The following SCAPER variants were observed in gnomAD, a reference collection of about 807,000 sequenced individuals.
SCAPER encodes the protein S-phase cyclin A associated protein in the ER.
SCAPER carries 98 observed loss-of-function variants against 182.2 expected under a neutral mutation model. The observed-to-expected ratio is 0.54, with a 90% CI of 0.46 to 0.64. The LOEUF is 0.64. SCAPER is among the 30% of genes least tolerant of loss of function. The probability of loss-of-function intolerance (pLI) is 0.00; values close to 1 mark genes in which losing one functional copy is unlikely to be tolerated. For missense variants in SCAPER, 1,432 were observed against 1,690.0 expected (o/e 0.85, Z 2.68); for synonymous variants, 605 against 564.6 (o/e 1.07, Z -1.01).
At chr15:76,554,369 A>C (rs1258693286) in intron 23 of SCAPER, among the ~76,000 whole-genome samples, 1 of 152,214 alleles carries the variant, frequency 6.6e-6, no homozygotes, top group African/African-American at 2.4e-5. Context: ...GACATCCTTG[A>C]AAGAGAGGGA....
At chr15:76,896,954 T>C (rs2074469766) in intron 1 of SCAPER, among the ~76,000 whole-genome samples, 1 of 151,844 alleles carries the variant, frequency 6.6e-6, no homozygotes. Flanking sequence ...TCTAAAAATA[T>C]TAATTTTTTT....
intron 20 of SCAPER, among the ~76,000 whole-genome samples, chr15:76,685,923 A>G (rs1407180099): frequency 6.6e-6 from 1 of 152,102 alleles, no homozygotes; most frequent in African/African-American, 2.4e-5. Context: ...GTAAAAAATA[A>G]TTCTAAGTGG....
intron 26 of SCAPER, among the ~76,000 whole-genome samples, chr15:76,429,818 A>G (rs973615873): frequency 1.3e-5 from 2 of 152,246 alleles, no homozygotes; most frequent in Admixed American, 6.5e-5. Flanking sequence ...AGAAATTTGC[A>G]TAAGTAACAA....
intron 24 of SCAPER, among the ~76,000 whole-genome samples, chr15:76,474,791 C>T (rs1038409153): frequency 6.6e-6 from 1 of 152,154 alleles, no homozygotes; most frequent in African/African-American, 2.4e-5. Flanking sequence ...AAGCATGCTA[C>T]AGATGCTTAT....
intron 2 of SCAPER, among the ~76,000 whole-genome samples, chr15:76,879,405 A>C (rs28508056): frequency 0.029 from 4,421 of 152,238 alleles, 197 homozygotes; most frequent in African/African-American, 0.1. Context: ...AGCCACAACA[A>C]CTGATCCAGA....
chr15:76,895,367 T>C (rs933182229), intron 1 of SCAPER, among the ~76,000 whole-genome samples: 2 of 152,078 alleles, frequency 1.3e-5, no homozygotes, highest in Non-Finnish European at 1.5e-5. Flanking sequence ...ATTAGGTACA[T>C]AAGTAATGTC....
chr15:76,731,375 G>A (rs1344360484), intron 16 of SCAPER, among the ~76,000 whole-genome samples: 2 of 152,126 alleles, frequency 1.3e-5, no homozygotes, highest in Non-Finnish European at 2.9e-5. Context: ...AGAAAAAATT[G>A]AGCTTATAAT....
At chr15:76,605,099 C>A (rs1246335486) in intron 22 of SCAPER, among the ~76,000 whole-genome samples, 1 of 152,144 alleles carries the variant, frequency 6.6e-6, no homozygotes, top group Admixed American at 6.5e-5. Context: ...CTGTCTTGTG[C>A]CCGTTTTCAA....
At chr15:76,569,971 T>C (rs1251984097) in intron 23 of SCAPER, among the ~76,000 whole-genome samples, 1 of 152,144 alleles carries the variant, frequency 6.6e-6, no homozygotes, top group Non-Finnish European at 1.5e-5. Flanking sequence ...TTTATGCATG[T>C]TGTCTTGTCC....
intron 23 of SCAPER, among the ~76,000 whole-genome samples, chr15:76,543,006 A>G (rs914902494): frequency 6.6e-6 from 1 of 152,180 alleles, no homozygotes; most frequent in African/African-American, 2.4e-5. Context: ...CCCCAAACTC[A>G]GTACATTTTT....
intron 14 of SCAPER, among the ~76,000 whole-genome samples, chr15:76,760,582 A>C (rs1233133581): frequency 6.6e-6 from 1 of 152,180 alleles, no homozygotes; most frequent in Non-Finnish European, 1.5e-5. Context: ...CCAAACCTGG[A>C]GGTTGAAGTT....
At chr15:76,371,806 T>C (rs2042199187) in intron 29 of SCAPER, among the ~76,000 whole-genome samples, 1 of 151,804 alleles carries the variant, frequency 6.6e-6, no homozygotes, top group Non-Finnish European at 1.5e-5. Flanking sequence ...TGATCCCAGC[T>C]ACTCAGGAGG....
intron 9 of SCAPER, 146 bp from the exon 10 acceptor site, chr15:76,772,100 G>A (rs1306610638): frequency 1.6e-6 from 1 of 642,202 alleles, no homozygotes; most frequent in Non-Finnish European, 2.6e-6. Flanking sequence ...CATCTTTTTT[G>A]TATGTTTCAA....
chr15:76,551,963 A>G (rs2045809052), intron 23 of SCAPER, among the ~76,000 whole-genome samples: 1 of 151,568 alleles, frequency 6.6e-6, no homozygotes, highest in African/African-American at 2.4e-5. Context: ...TGTAGCCTCC[A>G]TAGCCCTGTG....
chr15:76,383,234 TC>T (rs2043086193), intron 27 of SCAPER, among the ~76,000 whole-genome samples: 1 of 152,148 alleles, frequency 6.6e-6, no homozygotes, highest in Non-Finnish European at 1.5e-5. Context: ...TACTTCATTA[TC>T]TTTCCTAGAA....
chr15:76,736,721 G>A (rs979138018), intron 15 of SCAPER: 3 of 154,736 alleles, frequency 1.9e-5, no homozygotes, highest in African/African-American at 2.4e-5. Context: ...CTGGCTAAGC[G>A]GGTGTCCCCT....
intron 8 of SCAPER, among the ~76,000 whole-genome samples, chr15:76,789,483 A>T (rs1203834401): frequency 1.3e-5 from 2 of 152,184 alleles, no homozygotes; most frequent in Non-Finnish European, 2.9e-5. Context: ...AAAATTGCCA[A>T]CACAATCATA....
chr15:76,708,912 A>C (rs527248058), intron 17 of SCAPER, among the ~76,000 whole-genome samples: 109 of 152,134 alleles, frequency 7.2e-4, no homozygotes, highest in Non-Finnish European at 7.5e-4. Context: ...CTAAAAATAC[A>C]AAAATCAGCC....
chr15:76,719,981 AG>A (rs2060116031), intron 17 of SCAPER, among the ~76,000 whole-genome samples: 1 of 151,758 alleles, frequency 6.6e-6, no homozygotes, highest in African/African-American at 2.4e-5. Context: ...CACAACGTGC[AG>A]GTTTGTTACA....
Sources: gnomAD v4.1 joint callset for allele counts (sites outside exome capture counted in the v4.1 genomes callset) on GRCh38, gnomAD v4.1.1 for gene constraint, MANE v1.5 for transcripts, NCBI Gene and HGNC (gene_info 2026-07-23, HGNC 2026-07-21) for gene names.